Variants in PCDH15 observed in about 807,000 individuals in gnomAD.
PCDH15 encodes the protein protocadherin related 15.
In PCDH15, 129 loss-of-function variants were observed where a neutral mutation model predicts 178.5. The observed-to-expected ratio is 0.72, with a 90% CI of 0.63 to 0.84. The LOEUF (loss-of-function observed/expected upper bound fraction) is 0.84. Ranked by LOEUF, PCDH15 falls within the 40% of genes least tolerant of loss-of-function variation. The probability of loss-of-function intolerance (pLI) is 0.00; values close to 1 mark genes in which losing one functional copy is unlikely to be tolerated. For synonymous variants in PCDH15, 800 were observed against 732.0 expected, an observed-to-expected ratio of 1.09 and a Z score of -1.50; for missense variants, 2,230 against 2,099.9, an observed-to-expected ratio of 1.06 and a Z score of -1.21.
chr10:54,903,218 G>A (rs910977095), intron 2 of PCDH15, among the ~76,000 whole-genome samples: 4 of 152,106 alleles, frequency 2.6e-5, no homozygotes, highest in African/African-American at 4.8e-5. Flanking sequence ...TACAGTGTTC[G>A]TTTGGATGGG....
At chr10:53,877,676 C>T (rs1239871197) in intron 26 of PCDH15, among the ~76,000 whole-genome samples, 1 of 152,066 alleles carries the variant, frequency 6.6e-6, no homozygotes, top group East Asian at 1.9e-4. Flanking sequence ...TGTGGTTCTC[C>T]TTCTGTTTTT....
chr10:54,088,698 A>G (rs527673520), intron 16 of PCDH15, among the ~76,000 whole-genome samples: 2 of 152,134 alleles, frequency 1.3e-5, no homozygotes, highest in African/African-American at 2.4e-5. Flanking sequence ...GCAATTTATG[A>G]TCCACTTTGA....
intron 3 of PCDH15, among the ~76,000 whole-genome samples, chr10:54,478,286 G>A (rs1157445051): frequency 1.3e-5 from 2 of 152,000 alleles, no homozygotes; most frequent in African/African-American, 2.4e-5. Context: ...AATGAAATAA[G>A]ACATTTTAAA....
chr10:54,365,787 A>G (rs538540813), intron 5 of PCDH15, among the ~76,000 whole-genome samples: 1 of 152,240 alleles, frequency 6.6e-6, no homozygotes, highest in African/African-American at 2.4e-5. Context: ...AACTACTTCA[A>G]TGTCTTATGT....
intron 32 of PCDH15, among the ~76,000 whole-genome samples, chr10:53,825,633 T>G (rs2132549839): frequency 6.6e-6 from 1 of 151,718 alleles, no homozygotes; most frequent in East Asian, 1.9e-4. Context: ...CATACGAAGT[T>G]ATTACTTTGT....
intron 3 of PCDH15, among the ~76,000 whole-genome samples, chr10:54,408,404 G>A (rs1484711575): frequency 3.3e-5 from 5 of 151,984 alleles, no homozygotes; most frequent in African/African-American, 1.2e-4. Flanking sequence ...CTATAATTGG[G>A]TGTAAAACCA....
chr10:54,494,873 G>T (rs1234710355), intron 3 of PCDH15, among the ~76,000 whole-genome samples: 2 of 152,044 alleles, frequency 1.3e-5, no homozygotes, highest in East Asian at 1.9e-4. Context: ...TCTTGGTGGG[G>T]TTGAATCCAT....
At chr10:55,475,681 G>A (rs1047765331) in intron 2 of PCDH15, among the ~76,000 whole-genome samples, 4 of 152,048 alleles carry the variant, frequency 2.6e-5, no homozygotes, top group Non-Finnish European at 5.9e-5. Flanking sequence ...AATGAATTTC[G>A]TGTTTAAACT....
chr10:55,627,792 C>T (rs754148463), intron 1 of PCDH15: 1 of 152,346 alleles, frequency 6.6e-6, no homozygotes, highest in Non-Finnish European at 1.5e-5. Flanking sequence ...CAGAGACACA[C>T]AAGGATGGTG....
intron 15 of PCDH15, among the ~76,000 whole-genome samples, chr10:54,090,686 C>T (rs1590356208): frequency 6.7e-6 from 1 of 149,748 alleles, no homozygotes; most frequent in East Asian, 1.9e-4. Flanking sequence ...TTTACAGTGT[C>T]GATAAAGTGT....
chr10:54,788,877 G>A (rs1014260135), intron 1 of PCDH15, among the ~76,000 whole-genome samples: 1 of 151,706 alleles, frequency 6.6e-6, no homozygotes, highest in African/African-American at 2.4e-5. Context: ...TTCACTCAAT[G>A]GGTCATCGAG....
chr10:55,553,613 A>AATTTTTGT (rs1393214107), intron 2 of PCDH15, among the ~76,000 whole-genome samples: 2 of 152,012 alleles, frequency 1.3e-5, no homozygotes, highest in African/African-American at 4.8e-5. Flanking sequence ...TCTCAGCCTG[A>AATTTTTGT]ATTTTTGTCC....
intron 1 of PCDH15, among the ~76,000 whole-genome samples, chr10:54,796,040 G>C (rs2133625743): frequency 6.6e-6 from 1 of 151,932 alleles, no homozygotes; most frequent in African/African-American, 2.4e-5. Flanking sequence ...TTGCTGGTAA[G>C]GGAGTGGAAT....
intron 2 of PCDH15, among the ~76,000 whole-genome samples, chr10:54,653,604 T>C (rs565343904): frequency 6.6e-6 from 1 of 152,322 alleles, no homozygotes; most frequent in Admixed American, 6.5e-5. Context: ...GTACATGCTA[T>C]TTTGTTACCT....
At chr10:55,352,247 CTGTTTATTTTA>C (rs1304853326) in intron 2 of PCDH15, among the ~76,000 whole-genome samples, 2 of 151,944 alleles carry the variant, frequency 1.3e-5, no homozygotes, top group African/African-American at 4.8e-5. Flanking sequence ...TTATTACTTG[CTGTTTATTTTA>C]TGTTTATTTT....
At chr10:54,246,100 G>T (rs914733847) in intron 8 of PCDH15, among the ~76,000 whole-genome samples, 1 of 151,866 alleles carries the variant, frequency 6.6e-6, no homozygotes, top group Admixed American at 6.6e-5. Flanking sequence ...AGGGACATAC[G>T]CTCAGAGATG....
chr10:55,521,684 T>A (rs936969522), intron 2 of PCDH15, among the ~76,000 whole-genome samples: 1 of 151,968 alleles, frequency 6.6e-6, no homozygotes, highest in Non-Finnish European at 1.5e-5. Context: ...CTTGTAGAGA[T>A]GCAGATTTTA....
intron 2 of PCDH15, among the ~76,000 whole-genome samples, chr10:55,477,753 C>A (rs938221738): frequency 6.6e-6 from 1 of 151,812 alleles, no homozygotes; most frequent in Non-Finnish European, 1.5e-5. Flanking sequence ...GTGCCTAGCA[C>A]CATGCTCAGG....
At chr10:55,273,769 A>G (rs1842511731) in intron 1 of PCDH15, among the ~76,000 whole-genome samples, 2 of 152,168 alleles carry the variant, frequency 1.3e-5, no homozygotes, top group South Asian at 2.1e-4. Context: ...AGAGCTGTGT[A>G]TATTCTCACG....
Sources: gnomAD v4.1 joint callset for allele counts (sites outside exome capture counted in the v4.1 genomes callset) on GRCh38, gnomAD v4.1.1 for gene constraint, MANE v1.5 for transcripts, NCBI Gene and HGNC (gene_info 2026-07-23, HGNC 2026-07-21) for gene names.